Variants in PARVG observed in about 807,000 individuals in gnomAD.
PARVG encodes parvin gamma.
Under a neutral mutation model 44.4 loss-of-function variants are expected in PARVG, and 36 were observed. The observed-to-expected ratio is 0.81, with a 90% CI of 0.62 to 1.07. The LOEUF (loss-of-function observed/expected upper bound fraction) is 1.07. PARVG is among the 50% of genes least tolerant of loss of function. The pLI, the probability that PARVG is intolerant of heterozygous loss-of-function variation, is 0.00. For missense variants in PARVG, 407 were observed against 407.4 expected (o/e 1.00, Z 0.01); for synonymous variants, 170 against 174.1 (o/e 0.98, Z 0.19).
At chr22:44,196,276 G>T (rs1020866977) in intron 10 of PARVG, 63 bp downstream of exon 10, 6 of 1,612,244 alleles carry the variant, frequency 3.7e-6, no homozygotes, top group Non-Finnish European at 5.1e-6. Flanking sequence ...GCCCACCTGC[G>T]CTGTAGGAGG....
intron 7 of PARVG, 96 bp downstream of exon 7, chr22:44,190,762 C>T (rs1488180941): frequency 2.8e-6 from 3 of 1,075,344 alleles, no homozygotes; most frequent in Non-Finnish European, 2.8e-6. Context: ...TGGGGCGGGG[C>T]TGACCCAGGG....
intron 12 of PARVG, among the ~76,000 whole-genome samples, chr22:44,204,579 G>A (rs888649289): frequency 3.9e-5 from 6 of 152,266 alleles, no homozygotes; most frequent in Admixed American, 1.3e-4. Context: ...CCAGGCTGGC[G>A]TTTCTGGATG....
rs2054772487 is a variant in PARVG at position 44,205,795 on chromosome 22, C to CG, written c.853dup (p.Glu285GlyfsTer11). ...CCCTGGCGCTGGAGCTGCTGAAGGA[C>CG]GAGGGCCTGCTCAGCTGCCCTGTCA... On this transcript the variant is annotated frameshift_variant, in exon 13 of 14. Coordinates refer to ENST00000444313, the MANE Select transcript of PARVG (RefSeq NM_022141.7). LOFTEE classifies it low-confidence loss of function (END_TRUNC). The CG allele has an allele frequency of 6.2e-7, 1 of 1,613,402 alleles. No individual in the cohort carries two copies. Among genetic ancestry groups the CG allele is most frequent in the South Asian group, 1.1e-5 (1 of 91,064 alleles).
chr22:44,198,768 C>T (rs1340421549), intron 12 of PARVG, 46 bp downstream of exon 12: 8 of 1,412,636 alleles, frequency 5.7e-6, no homozygotes, highest in Non-Finnish European at 6.0e-6. Context: ...TCTAGGTGAA[C>T]AGATATACAG....
At chr22:44,193,013 G>A (rs1241896679) in intron 8 of PARVG, among the ~76,000 whole-genome samples, 2 of 152,200 alleles carry the variant, frequency 1.3e-5, no homozygotes, top group African/African-American at 4.8e-5. Context: ...GGCTTGGCTG[G>A]GGCTGGAGCT....
chr22:44,193,845 G>A (rs895654803), intron 9 of PARVG, 22 bp downstream of exon 9: 10 of 1,613,810 alleles, frequency 6.2e-6, no homozygotes, highest in Non-Finnish European at 7.6e-6. Flanking sequence ...CATCATTTTT[G>A]GAAATCTGTT....
At chr22:44,192,346 G>T (rs2054559633) in intron 8 of PARVG, among the ~76,000 whole-genome samples, 1 of 152,160 alleles carries the variant, frequency 6.6e-6, no homozygotes, top group Non-Finnish European at 1.5e-5. Context: ...TTGTTTTCTA[G>T]GGTGGGGGCC....
rs1195888813 is a variant in PARVG, at chr22:44,207,347, G to A, written c.*921G>A. ...GCTGGCGGGGAGGGGTGGGACTGGT[G>A]GGGAGGAGTGAGGCTAGTGGGCGGG... On this transcript the variant is annotated 3_prime_UTR_variant, in exon 14 of 14. Transcript: ENST00000444313. 1.2e-5 allele frequency: 1 copy of A among 81,268 alleles called. No homozygotes were observed. The highest frequency in any genetic ancestry group is 4.1e-4 in the East Asian group (1 of 2,424). 5.0% of individuals were successfully genotyped at this position (81,268 alleles called of 1,614,324 possible). A position where few individuals can be genotyped will look rare whatever the true frequency, so the allele number is the denominator to read the frequency against.
At chr22:44,196,545 C>T in intron 11 of PARVG, 130 bp downstream of exon 11, 1 of 1,115,346 alleles carries the variant, frequency 9.0e-7, no homozygotes, top group Non-Finnish European at 1.3e-6. Flanking sequence ...CTTAGGGTCC[C>T]CCTCCCCGGT....
chr22:44,196,225 C>T lies in PARVG; in HGVS notation c.642+12C>T. 6.2e-7 allele frequency: 1 copy of T among 1,614,150 alleles called. No homozygotes were observed. Among genetic ancestry groups the T allele is most frequent in the Non-Finnish European group, 8.5e-7 (1 of 1,179,998 alleles). On this transcript the variant is annotated intron_variant, in intron 10 of 13. Coordinates refer to ENST00000444313, the MANE Select transcript of PARVG (RefSeq NM_022141.7). ...ACGCAGTGAAAGAGGTAGGAGAGAT[C>T]AAAGCTCTCAGCGGCTCTCAGGCTG...
At chr22:44,202,484 C>G (rs1408052862) in intron 12 of PARVG, among the ~76,000 whole-genome samples, 1 of 152,246 alleles carries the variant, frequency 6.6e-6, no homozygotes, top group Admixed American at 6.5e-5. Context: ...AACAAACGTG[C>G]AGACTTCCAT....
At chr22:44,197,367 G>T (rs1395492097) in intron 11 of PARVG, among the ~76,000 whole-genome samples, 1 of 152,210 alleles carries the variant, frequency 6.6e-6, no homozygotes, top group Admixed American at 6.5e-5. Context: ...AGTGGGAACT[G>T]TACTACCCCA....
intron 1 of PARVG, 87 bp from the exon 2 acceptor site, chr22:44,181,655 C>T (rs764689609): frequency 5.5e-5 from 52 of 950,260 alleles, no homozygotes; most frequent in African/African-American, 8.9e-5. Context: ...GGCGGCACGG[C>T]GGGCGCTGGG....
At chr22:44,183,132 C>A (rs1052598157) in intron 2 of PARVG, 186 bp from the exon 3 acceptor site, 1 of 543,052 alleles carries the variant, frequency 1.8e-6, no homozygotes, top group Admixed American at 4.0e-5. Context: ...CCCGTCACCC[C>A]GCAAGGGTTG....
At chr22:44,191,392 T>TA (rs1363670385) in intron 7 of PARVG, among the ~76,000 whole-genome samples, 6 of 126,324 alleles carry the variant, frequency 4.7e-5, no homozygotes, top group Non-Finnish European at 9.7e-5. Context: ...ATTTCTATTT[T>TA]TTTTTTTTTT....
At chr22:44,200,534 G>A (rs966120569) in intron 12 of PARVG, among the ~76,000 whole-genome samples, 1 of 152,234 alleles carries the variant, frequency 6.6e-6, no homozygotes, top group Non-Finnish European at 1.5e-5. Flanking sequence ...CCAAAGGACA[G>A]GCTGGAGTGT....
At chr22:44,196,701 A>G (rs575711497) in intron 11 of PARVG, among the ~76,000 whole-genome samples, 3 of 152,274 alleles carry the variant, frequency 2.0e-5, no homozygotes, top group East Asian at 3.9e-4. Context: ...TTAATCTCAG[A>G]CTAGCTGATG....
chr22:44,196,591 GA>G (rs2054620903), intron 11 of PARVG, among the ~76,000 whole-genome samples, 176 bp downstream of exon 11: 1 of 136,854 alleles, frequency 7.3e-6, no homozygotes, highest in South Asian at 2.3e-4. Flanking sequence ...GGTCACCAGG[GA>G]CATGGTGGGA....
intron 1 of PARVG, among the ~76,000 whole-genome samples, chr22:44,175,589 G>T (rs1173412267): frequency 6.6e-6 from 1 of 152,188 alleles, no homozygotes; most frequent in East Asian, 1.9e-4. Context: ...GGGGCAGGGG[G>T]TGGGGAATCC....
Sources: allele counts gnomAD v4.1 joint callset (sites outside exome capture counted in the v4.1 genomes callset), GRCh38; gene constraint gnomAD v4.1.1; transcripts MANE v1.5; gene names NCBI Gene and HGNC (gene_info 2026-07-23, HGNC 2026-07-21).